The following HPS6 variants were observed in gnomAD, a reference collection of about 807,000 sequenced individuals.
The protein encoded by HPS6 is BLOC-2 complex member HPS6.
In HPS6, 46 loss-of-function variants were observed where a neutral mutation model predicts 53.6. The observed-to-expected ratio is 0.86, with a 90% CI of 0.68 to 1.10. The LOEUF is 1.10. Ranked by LOEUF, HPS6 falls within the 50% of genes least tolerant of loss-of-function variation. HPS6 has a pLI of 0.00. For missense variants in HPS6, 1,034 were observed against 991.3 expected (o/e 1.04, Z -0.58); for synonymous variants, 535 against 470.8 (o/e 1.14, Z -1.77).
In HPS6 at chr10:102,067,198, T is replaced by G; in HGVS notation, c.1724T>G (p.Leu575Arg). 1.2e-6 allele frequency: 2 copies of G among 1,611,820 alleles called. No individual in the cohort carries two copies. The highest frequency in any genetic ancestry group is 1.7e-6 in the Non-Finnish European group (2 of 1,179,466). The change falls in exon 1 of 1, where the codon CTG (leucine) becomes CGG (arginine). Residue 575 changes from leucine (L) to arginine (R), a missense_variant. By Grantham distance (102) the Leu-to-Arg change is moderately radical (BLOSUM62 -2). Transcript: ENST00000299238. ...CTCCTGTGCCAGTGTCTGTGCCAGC[T>G]GGAGCCTCGATGGCTGCCACCCTTT... is the stretch of plus-strand genomic sequence containing the variant. ...FELLCQCLCQ[L>R]EPRWLPPFVE...
chr10:102,065,530 C>G lies in HPS6; in HGVS notation c.56C>G (p.Ala19Gly). 6.4e-7 allele frequency: 1 copy of G among 1,551,326 alleles called. No individual in the cohort carries two copies. The highest frequency in any genetic ancestry group is 8.6e-7 in the Non-Finnish European group (1 of 1,160,372). The change falls in exon 1 of 1, where the codon GCG (alanine) becomes GGG (glycine). Residue 19 changes from alanine (A) to glycine (G), a missense_variant. Coordinates refer to ENST00000299238, the MANE Select transcript of HPS6 (RefSeq NM_024747.6). The part of the protein sequence containing the change: ...LLSDLSAFGG[A>G]ARLRELVAGD... ...TCGGACCTGAGCGCCTTCGGCGGCG[C>G]GGCGCGGCTCCGGGAGCTGGTGGCC...
chr10:102,066,601 G>A lies in HPS6; in HGVS notation c.1127G>A (p.Arg376His), dbSNP rs1270858817. The change falls in exon 1 of 1, where the codon CGT becomes CAT. Residue 376 changes from arginine (R) to histidine (H), a missense_variant. Transcript: ENST00000299238. ...EEELETRGNL[R>H]LLSALGLFCV... is the part of the protein sequence containing the mutation. ...GAGCTGGAGACCCGAGGGAATCTTCGTCTGCTTTCAGCCTTGGGTCTGTTT... is the reference window on the plus strand; with the variant it reads ...GAGCTGGAGACCCGAGGGAATCTTCATCTGCTTTCAGCCTTGGGTCTGTTT... 8 of 1,614,064 alleles carry A rather than the reference G, an allele frequency of 5.0e-6. No homozygotes were observed. The highest frequency in any genetic ancestry group is 5.9e-6 in the Non-Finnish European group (7 of 1,180,052).
In HPS6 at chr10:102,065,988, G is replaced by C; in HGVS notation, c.514G>C (p.Gly172Arg). The C allele has an allele frequency of 1.9e-6, 3 of 1,600,726 alleles. No individual in the cohort carries two copies. The highest frequency in any genetic ancestry group is 2.5e-6 in the Non-Finnish European group (3 of 1,179,728). ...GTGCGTCCGGACTCTGGAGCCCAGCGGGGAAGCTAGCACCAGCCTGGGCCG... is the reference window on the plus strand; with the variant it reads ...GTGCGTCCGGACTCTGGAGCCCAGCCGGGAAGCTAGCACCAGCCTGGGCCG... ...CVCVRTLEPS[G>R]EASTSLGRTH... Residue 172 changes from glycine to arginine, a missense_variant, in exon 1 of 1, where the codon GGG (glycine) becomes CGG (arginine). By Grantham distance (125) the Gly-to-Arg change is moderately radical (BLOSUM62 -2). Transcript: ENST00000299238.
chr10:102,065,638 A>T lies in HPS6; in HGVS notation c.164A>T (p.Gln55Leu). 6.5e-7 allele frequency: 1 copy of T among 1,548,900 alleles called. No homozygotes were observed. Among genetic ancestry groups the T allele is most frequent in the Non-Finnish European group, 8.6e-7 (1 of 1,159,106 alleles). Residue 55 changes from glutamine to leucine, a missense_variant, in exon 1 of 1, where the codon CAG becomes CTG. By Grantham distance (113) the Gln-to-Leu change is moderately radical. Coordinates refer to ENST00000299238, the MANE Select transcript of HPS6 (RefSeq NM_024747.6). ...CGACCCCCTGGGGCGGTAGCCCCAC[A>T]GCTGCTAGTCGCGTCGCGAGGGCCC... is the stretch of plus-strand genomic sequence containing the variant. ...LLRPPGAVAPQLLVASRGPGA... is the reference protein window; with the variant it reads ...LLRPPGAVAPLLLVASRGPGA...
In HPS6 at chr10:102,065,577, C is replaced by T. The variant is rs1045301858; in HGVS notation, c.103C>T (p.Arg35Cys). ...LVAGDSAVRV[R>C]GSPDGRHLLL... ...GGCCGGGGACTCAGCGGTCCGAGTCCGTGGCAGTCCGGACGGCCGCCACTT... is the reference window on the plus strand; with the variant it reads ...GGCCGGGGACTCAGCGGTCCGAGTCTGTGGCAGTCCGGACGGCCGCCACTT... The change falls in exon 1 of 1, where the codon CGT (arginine) becomes TGT (cysteine). Residue 35 changes from arginine (R) to cysteine (C), a missense_variant. Transcript: ENST00000299238. 13 of 1,544,462 alleles carry T rather than the reference C, an allele frequency of 8.4e-6. No homozygotes were observed. Among genetic ancestry groups the T allele is most frequent in the Non-Finnish European group, 1.0e-5 (12 of 1,157,630 alleles).
In HPS6 at chr10:102,067,640, C is replaced by T. The variant is rs746069907; in HGVS notation, c.2166C>T (p.Phe722=). 1.4e-5 allele frequency: 23 copies of T among 1,613,892 alleles called. No homozygotes were observed. The highest frequency in any genetic ancestry group is 1.9e-5 in the Non-Finnish European group (23 of 1,180,050). Residue 722 remains phenylalanine, a synonymous_variant, in exon 1 of 1, where the codon TTC becomes TTT. Transcript: ENST00000299238. ...ATGAGGTGGGGCCCCCAACCCCATT[C>T]CCTGAGCCTGGAGCAGAGCCCCCTC... ...LPDEVGPPTP[F]PEPGAEPPLT...
At position 102,065,390 on chromosome 10, in the gene HPS6, G is replaced by T; in HGVS notation, c.-85G>T. The T allele has an allele frequency of 7.1e-7, 1 of 1,399,634 alleles. No individual in the cohort carries two copies. The highest frequency in any genetic ancestry group is 9.5e-7 in the Non-Finnish European group (1 of 1,052,068). 86.7% of individuals were successfully genotyped at this position (1,399,634 alleles called of 1,614,324 possible). ...CACGGGAGACGGAAGTCTTGGCCCT[G>T]CTCCGCTCCCCCGAGAATCGGGCCT... On this transcript the variant is annotated 5_prime_UTR_variant, in exon 1 of 1. Transcript: ENST00000299238.
rs1382223047 is a variant in HPS6 at position 102,065,999 on chromosome 10, C to T, written c.525C>T (p.Ser175=). The change falls in exon 1 of 1, where the codon AGC becomes AGT. Residue 175 remains serine (S), a synonymous_variant. Coordinates refer to ENST00000299238, the MANE Select transcript of HPS6 (RefSeq NM_024747.6). ...CTCTGGAGCCCAGCGGGGAAGCTAG[C>T]ACCAGCCTGGGCCGCACACACGTCC... ...VRTLEPSGEA[S]TSLGRTHVLL... The T allele has an allele frequency of 1.2e-6, 2 of 1,602,396 alleles. No individual in the cohort carries two copies. The highest frequency in any genetic ancestry group is 8.5e-7 in the Non-Finnish European group (1 of 1,179,834).
In HPS6 at chr10:102,067,075, A is replaced by G. The variant is rs1426454052; in HGVS notation, c.1601A>G (p.Lys534Arg). The change falls in exon 1 of 1, where the codon AAG becomes AGG. Residue 534 changes from lysine (K) to arginine (R), a missense_variant. Coordinates refer to ENST00000299238, the MANE Select transcript of HPS6 (RefSeq NM_024747.6). Reference sequence around the variant, plus strand: ...CAGCTCCAGCTAGATGGGAATGGCAAGCTGAGGTCCCAAGCACCCCCTGAT... The same window carrying G: ...CAGCTCCAGCTAGATGGGAATGGCAGGCTGAGGTCCCAAGCACCCCCTGAT... ...ALQLQLDGNGKLRSQAPPDVW... is the reference protein window; with the variant it reads ...ALQLQLDGNGRLRSQAPPDVW... 13 of 1,614,086 alleles carry G rather than the reference A, an allele frequency of 8.1e-6. No individual in the cohort carries two copies. The highest frequency in any genetic ancestry group is 6.6e-5 in the South Asian group (6 of 91,092).
At position 102,067,862 on chromosome 10, in the gene HPS6, C is replaced by T; in HGVS notation, c.*60C>T. On this transcript the variant is annotated 3_prime_UTR_variant, in exon 1 of 1. Transcript: ENST00000299238. ...AGGCTTGCTTGGGACTGGAGGCTTG[C>T]TTGGACAGTTCCTCTGTGTCACTGA... The T allele has an allele frequency of 1.3e-6, 2 of 1,557,630 alleles. No homozygotes were observed. The highest frequency in any genetic ancestry group is 1.8e-6 in the Non-Finnish European group (2 of 1,129,636).
At position 102,065,857 on chromosome 10, in the gene HPS6, T is replaced by G; in HGVS notation, c.383T>G (p.Val128Gly). The G allele has an allele frequency of 6.6e-7, 1 of 1,525,088 alleles. No homozygotes were observed. Among genetic ancestry groups the G allele is most frequent in the Non-Finnish European group, 8.8e-7 (1 of 1,142,038 alleles). 94.5% of individuals were successfully genotyped at this position (1,525,088 alleles called of 1,614,324 possible). The change falls in exon 1 of 1, where the codon GTT becomes GGT. Residue 128 changes from valine to glycine, a missense_variant. Val to Gly is a moderately radical substitution (Grantham distance 109, BLOSUM62 -3). Transcript: ENST00000299238. Reference protein sequence around the residue: ...TELCPGGGARVVAVAALRGRL... With the variant: ...TELCPGGGARGVAVAALRGRL... ...CTGTGTCCGGGCGGGGGAGCCCGCG[T>G]TGTGGCAGTGGCGGCGCTCCGAGGC... is the stretch of plus-strand genomic sequence containing the variant.
rs1420874710 is a variant in HPS6, at chr10:102,067,769, C to G, written c.2295C>G (p.Ser765Arg). ...SPYEDILWDP[S>R]TPPPTPPRDL ...ATGAGGACATCCTATGGGACCCCAG[C>G]ACTCCACCCCCGACTCCACCTCGGG... The change falls in exon 1 of 1, where the codon AGC becomes AGG. Residue 765 changes from serine to arginine, a missense_variant. Transcript: ENST00000299238. 1 of 1,612,990 alleles carries G rather than the reference C, an allele frequency of 6.2e-7. No homozygotes were observed. The highest frequency in any genetic ancestry group is 8.5e-7 in the Non-Finnish European group (1 of 1,180,036).
rs751142013 is a variant in HPS6 at position 102,067,408 on chromosome 10, A to G, written c.1934A>G (p.Gln645Arg). ...CTCCAAGCTGTCGGGCAGCTGGTGC[A>G]AAAGGAACAATGGGATCGGGCTCTG... ...AVLQAVGQLV[Q>R]KEQWDRALDA... Residue 645 changes from glutamine to arginine, a missense_variant, in exon 1 of 1, where the codon CAA (glutamine) becomes CGA (arginine). By Grantham distance (43) the Gln-to-Arg change is conservative. Transcript: ENST00000299238. The G allele has an allele frequency of 6.2e-6, 10 of 1,613,074 alleles. No homozygotes were observed. The highest frequency in any genetic ancestry group is 8.5e-6 in the Non-Finnish European group (10 of 1,180,026).
At position 102,067,948 on chromosome 10, in the gene HPS6, C is replaced by G. The variant is rs2067984028; in HGVS notation, c.*146C>G. ...AAGGGTGCCTGGGACTTGGAGGGTC[C>G]CATGTATGGACCTGTGTATGCAATA... On this transcript the variant is annotated 3_prime_UTR_variant, in exon 1 of 1. Transcript: ENST00000299238. 13 of 900,788 alleles carry G rather than the reference C, an allele frequency of 1.4e-5. No homozygotes were observed. The South Asian group carries it at 1.8e-4, about 12-fold the overall frequency. 55.8% of individuals were successfully genotyped at this position (900,788 alleles called of 1,614,324 possible). A position where few individuals can be genotyped will look rare whatever the true frequency, so the allele number is the denominator to read the frequency against.
rs2067976853 is a variant in HPS6 at position 102,067,058 on chromosome 10, G to C, written c.1584G>C (p.Gln528His). The change falls in exon 1 of 1, where the codon CAG becomes CAC. Residue 528 changes from glutamine (Q) to histidine (H), a missense_variant. By Grantham distance (24) the Gln-to-His change is conservative. Transcript: ENST00000299238. Reference sequence around the variant, plus strand: ...CCACCCTCAGGGCCCTGCAGCTCCAGCTAGATGGGAATGGCAAGCTGAGGT... The same window carrying C: ...CCACCCTCAGGGCCCTGCAGCTCCACCTAGATGGGAATGGCAAGCTGAGGT... ...WGATLRALQL[Q>H]LDGNGKLRSQ... 6.2e-7 allele frequency: 1 copy of C among 1,614,074 alleles called. No homozygotes were observed. Among genetic ancestry groups the C allele is most frequent in the African/African-American group, 1.3e-5 (1 of 74,930 alleles).
rs1255236537 is a variant in HPS6 at position 102,067,803 on chromosome 10, C to G, written c.*1C>G. On this transcript the variant is annotated 3_prime_UTR_variant, in exon 1 of 1. Transcript: ENST00000299238. ...CCCGACTCCACCTCGGGACCTATGA[C>G]TACCCTTCAGGCATCAGAACACTCA... 7 of 1,612,972 alleles carry G rather than the reference C, an allele frequency of 4.3e-6. No homozygotes were observed. Among genetic ancestry groups the G allele is most frequent in the Non-Finnish European group, 5.1e-6 (6 of 1,180,028 alleles).
chr10:102,067,308 C>G lies in HPS6; in HGVS notation c.1834C>G (p.Leu612Val), dbSNP rs1724255510. The change falls in exon 1 of 1, where the codon CTA becomes GTA. Residue 612 changes from leucine to valine, a missense_variant. Leu to Val is a conservative substitution (Grantham distance 32). Transcript: ENST00000299238. Reference protein sequence around the residue: ...LPLYRRALAVLGEEGTRPEAL... With the variant: ...LPLYRRALAVVGEEGTRPEAL... ...CCTGTATCGCCGAGCTCTGGCAGTGCTAGGTGAGGAGGGGACCAGGCCTGA... is the reference window on the plus strand; with the variant it reads ...CCTGTATCGCCGAGCTCTGGCAGTGGTAGGTGAGGAGGGGACCAGGCCTGA... The G allele has an allele frequency of 6.2e-7, 1 of 1,613,048 alleles. No homozygotes were observed. Among genetic ancestry groups the G allele is most frequent in the Non-Finnish European group, 8.5e-7 (1 of 1,179,836 alleles).
rs566619065 is a variant in HPS6, at chr10:102,065,559, G to T, written c.85G>T (p.Asp29Tyr). The change falls in exon 1 of 1, where the codon GAC (aspartate) becomes TAC (tyrosine). Residue 29 changes from aspartate to tyrosine, a missense_variant. By Grantham distance (160) the Asp-to-Tyr change is radical. Transcript: ENST00000299238. ...AARLRELVAGDSAVRVRGSPD... is the reference protein window; with the variant it reads ...AARLRELVAGYSAVRVRGSPD... ...GCGGCTCCGGGAGCTGGTGGCCGGG[G>T]ACTCAGCGGTCCGAGTCCGTGGCAG... 1 of 1,549,698 alleles carries T rather than the reference G, an allele frequency of 6.5e-7. No individual in the cohort carries two copies. The highest frequency in any genetic ancestry group is 1.8e-5 in the Admixed American group (1 of 54,058).
In HPS6 at chr10:102,067,263, GCAGGGGGCCCAGGACTGCCCCTGTATCGC is replaced by G. The variant is rs1396019502; in HGVS notation, c.1791_1819del (p.Gly598SerfsTer7). ...GCAGCAGGGCGGGCCGGGCTGGGGG[GCAGGGGGCCCAGGACTGCCCCTGTATCGC>G]CGAGCTCTGGCAGTGCTAGGTGAGG... is the stretch of plus-strand genomic sequence containing the variant. On this transcript the variant is annotated frameshift_variant, in exon 1 of 1. Transcript: ENST00000299238. LOFTEE classifies it high-confidence loss of function. 1 of 1,612,690 alleles carries G rather than the reference GCAGGGGGCCCAGGACTGCCCCTGTATCGC, an allele frequency of 6.2e-7. No individual in the cohort carries two copies. The highest frequency in any genetic ancestry group is 8.5e-7 in the Non-Finnish European group (1 of 1,179,814).
Sources: allele counts gnomAD v4.1 joint callset, GRCh38; gene constraint gnomAD v4.1.1; transcripts MANE v1.5; gene names NCBI Gene and HGNC (gene_info 2026-07-23, HGNC 2026-07-21).